Variants in CLUAP1 observed in about 807,000 individuals in gnomAD.
CLUAP1 encodes intraflagellar transport 38.
A neutral mutation model predicts 55.0 loss-of-function variants in CLUAP1; 50 were observed. The ratio of observed to expected loss-of-function variants is 0.91; its 90% CI spans 0.72 to 1.15. CLUAP1 has a LOEUF of 1.15. Ranked by LOEUF, CLUAP1 falls within the 50% of genes most tolerant of loss-of-function variation. The pLI is 0.00. For missense variants in CLUAP1, 530 were observed against 507.6 expected (o/e 1.04, Z -0.42); for synonymous variants, 195 against 175.4 (o/e 1.11, Z -0.88).
intron 9 of CLUAP1, among the ~76,000 whole-genome samples, chr16:3,527,513 T>C (rs557168747): frequency 3.5e-4 from 54 of 152,126 alleles, no homozygotes; most frequent in African/African-American, 1.3e-3. Flanking sequence ...GAAAAACACC[T>C]GCTACTTAGC....
At position 3,527,198 on chromosome 16, in the gene CLUAP1, T is replaced by C. The variant is rs1022721320; in HGVS notation, c.928+714T>C. ...AAAATATATAAAATAAGAATAGTTA[T>C]ACTAGATATAGATCATAGATATGAT... On this transcript the variant is annotated intron_variant, in intron 9 of 11. Coordinates refer to ENST00000576634, the MANE Select transcript of CLUAP1 (RefSeq NM_015041.3). Among the ~76,000 whole-genome samples the C allele has an allele frequency of 9.9e-5, 15 of 152,272 alleles. No homozygotes were observed. In the East Asian group the frequency reaches 2.7e-3, roughly 27 times the overall value.
chr16:3,511,089 A>T (rs2037616631), intron 4 of CLUAP1, among the ~76,000 whole-genome samples: 1 of 152,200 alleles, frequency 6.6e-6, no homozygotes, highest in Non-Finnish European at 1.5e-5. Flanking sequence ...AAGTTTGGGG[A>T]TGTGCTGCTC....
chr16:3,501,206 G>A, intron 1 of CLUAP1, 117 bp downstream of exon 1: 2 of 1,104,324 alleles, frequency 1.8e-6, no homozygotes, highest in East Asian at 5.2e-5. Flanking sequence ...GCTCCTTTCG[G>A]GCCTCTGCGC....
At chr16:3,499,652 GTTC>G (rs1273886007), upstream of CLUAP1, among the ~76,000 whole-genome samples, 3 of 152,246 alleles carry the variant, frequency 2.0e-5, no homozygotes, top group Non-Finnish European at 2.9e-5. Context: ...AGTGTTGAGA[GTTC>G]TTGATACATT....
intron 11 of CLUAP1, chr16:3,535,405 C>G (rs1421391230): frequency 2.0e-5 from 3 of 151,968 alleles, no homozygotes; most frequent in African/African-American, 7.3e-5. Flanking sequence ...GAAATTACAG[C>G]ATGAGTGTGC....
At chr16:3,502,587 C>T (rs567339872) in intron 1 of CLUAP1, among the ~76,000 whole-genome samples, 5 of 152,248 alleles carry the variant, frequency 3.3e-5, no homozygotes, top group Admixed American at 6.5e-5. Flanking sequence ...ATGAATTGCT[C>T]TTTTCTACAA....
Position 3,523,150 on chromosome 16 carries a change from T to A in CLUAP1, c.714-8T>A. 1 of 1,601,672 alleles carries A rather than the reference T, an allele frequency of 6.2e-7. No homozygotes were observed. On this transcript the variant is annotated splice_region_variant and splice_polypyrimidine_tract_variant and intron_variant, in intron 7 of 11. Transcript: ENST00000576634. ...ACCTTTCCTTTTTATTTCATTTGCT[T>A]CTTTTAGGCCATGTTTTATGGATGA...
intron 7 of CLUAP1, among the ~76,000 whole-genome samples, chr16:3,522,517 G>A (rs1381284627): frequency 6.6e-6 from 1 of 152,062 alleles, no homozygotes; most frequent in Non-Finnish European, 1.5e-5. Flanking sequence ...TTATTGATTT[G>A]GAGAGATGTG....
intron 8 of CLUAP1, among the ~76,000 whole-genome samples, 173 bp downstream of exon 8, chr16:3,523,472 G>A (rs1447528891): frequency 6.6e-6 from 1 of 152,182 alleles, no homozygotes; most frequent in African/African-American, 2.4e-5. Context: ...AGTGTACACT[G>A]GACTCCAGGG....
chr16:3,532,756 A>G (rs769365660), intron 10 of CLUAP1, 30 bp from the exon 11 acceptor site: 27 of 1,612,188 alleles, frequency 1.7e-5, no homozygotes, highest in Admixed American at 5.0e-5. Flanking sequence ...CAAGATTTTT[A>G]TGACTTCTTC....
At position 3,512,596 on chromosome 16, in the gene CLUAP1, A is replaced by C; in HGVS notation, c.495+118A>C. ...GAAATACACCTGGTTGAATGAGCTA[A>C]TGTGTGGAAAGGTGATAGAGGATAT... On this transcript the variant is annotated intron_variant, in intron 5 of 11. Coordinates refer to ENST00000576634, the MANE Select transcript of CLUAP1 (RefSeq NM_015041.3). 4 of 747,884 alleles carry C rather than the reference A, an allele frequency of 5.3e-6. No homozygotes were observed. The South Asian group carries it at 7.0e-5, about 13-fold the overall frequency. The allele number at this position is 747,884 out of a possible 1,614,324, so 46.3% of individuals were successfully genotyped here.
chr16:3,536,095 G>T (rs1401362905), intron 11 of CLUAP1, 27 bp from the exon 12 acceptor site: 3 of 1,611,370 alleles, frequency 1.9e-6, no homozygotes, highest in South Asian at 1.1e-5. Flanking sequence ...AGGATCCCCC[G>T]TTGCATCTGC....
At chr16:3,508,615 A>G in intron 4 of CLUAP1, 147 bp downstream of exon 4, 2 of 631,964 alleles carry the variant, frequency 3.2e-6, no homozygotes, top group Non-Finnish European at 5.0e-6. Flanking sequence ...CATTTGGATA[A>G]AGTCAAAGTC....
intron 1 of CLUAP1, among the ~76,000 whole-genome samples, chr16:3,504,304 C>T (rs141433493): frequency 6.6e-6 from 1 of 152,190 alleles, no homozygotes; most frequent in South Asian, 2.1e-4. Context: ...TCAGAAATAA[C>T]CACTGTTAAC....
upstream of CLUAP1, among the ~76,000 whole-genome samples, chr16:3,498,884 AAAC>A (rs1203662528): frequency 2.1e-5 from 3 of 145,232 alleles, no homozygotes; most frequent in Admixed American, 6.8e-5. Context: ...ACAAACAAAC[AAAC>A]AACAACAACA....
chr16:3,506,230 C>G, intron 2 of CLUAP1, 101 bp from the exon 3 acceptor site: 1 of 913,172 alleles, frequency 1.1e-6, no homozygotes, highest in Non-Finnish European at 1.8e-6. Context: ...ACTTGGAGAG[C>G]GTTGTGTTCC....
chr16:3,533,460 GACGGAATGGTGAAGCAGCA>G, intron 11 of CLUAP1: 1 of 403,720 alleles, frequency 2.5e-6, no homozygotes, highest in South Asian at 3.0e-5. Context: ...CTGTGCTGGG[GACGGAATGGTGAAGCAGCA>G]CTGTCCCCAG....
rs1348106928 is a variant in CLUAP1, at chr16:3,508,475, A to G, written c.399+7A>G. On this transcript the variant is annotated splice_region_variant and intron_variant, in intron 4 of 11. Transcript: ENST00000576634. ...GTTTGATCTTGGCTCAAAGGTAAGG[A>G]CAACAAAAGCCTTGTAGTGGGCGAT... The G allele has an allele frequency of 6.4e-7, 1 of 1,563,380 alleles. No homozygotes were observed. Among genetic ancestry groups the G allele is most frequent in the African/African-American group, 1.4e-5 (1 of 71,380 alleles).
Position 3,532,839 on chromosome 16 carries a change from A to T in CLUAP1, c.1090A>T (p.Asn364Tyr). Residue 364 changes from asparagine to tyrosine, a missense_variant and splice_region_variant, in exon 11 of 12, where the codon AAT (asparagine) becomes TAT (tyrosine). Physicochemically the swap from Asn to Tyr is moderately radical, Grantham distance 143. Transcript: ENST00000576634. ...GATGCAAGGTGGAGACTCCGATGAC[A>T]ATGTAAGTCCCCCGCTCCCCTCAGT... ...GTMQGGDSDD[N>Y]EDSEESEIDM... The T allele has an allele frequency of 6.2e-7, 1 of 1,614,100 alleles. No individual in the cohort carries two copies.
Sources: gnomAD v4.1 joint callset for allele counts (sites outside exome capture counted in the v4.1 genomes callset) on GRCh38, gnomAD v4.1.1 for gene constraint, MANE v1.5 for transcripts, NCBI Gene and HGNC (gene_info 2026-07-23, HGNC 2026-07-21) for gene names.